Variants in CIBAR1 observed in about 807,000 individuals in gnomAD.
CIBAR1 encodes CBY1 interacting BAR domain containing 1.
CIBAR1 carries 25 observed loss-of-function variants against 44.0 expected under a neutral mutation model. That is an observed-to-expected ratio of 0.57 (90% confidence interval 0.41 to 0.79). The LOEUF is 0.79. Among genes scored for constraint, CIBAR1 ranks in the 30% least tolerant of loss-of-function variants. The pLI is 0.00. For synonymous variants in CIBAR1, 115 were observed against 119.0 expected (o/e 0.97, Z 0.22); for missense variants, 278 against 344.8 (o/e 0.81, Z 1.53).
chr8:93,726,518 G>A lies in CIBAR1; in HGVS notation c.777+5G>A, dbSNP rs750788321. On this transcript the variant is annotated splice_donor_5th_base_variant and intron_variant, in intron 8 of 8. Transcript: ENST00000518322. The stretch of plus-strand genomic sequence containing the variant: ...TGTGTATCTGGAACAGGACAGGTGA[G>A]CAAGAAACCGTACTCTAAAGGAATT... 1.2e-6 allele frequency: 2 copies of A among 1,613,108 alleles called. No homozygotes were observed. Among genetic ancestry groups the A allele is most frequent in the Non-Finnish European group, 1.7e-6 (2 of 1,179,384 alleles).
intron 5 of CIBAR1, 122 bp from the exon 6 acceptor site, chr8:93,709,649 T>A: frequency 1.3e-6 from 1 of 742,544 alleles, no homozygotes; most frequent in Non-Finnish European, 2.4e-6. Flanking sequence ...AATATAATAT[T>A]AACAATTTAC....
At chr8:93,700,895 G>A (rs1810314939) in intron 1 of CIBAR1, 1 of 1,310,636 alleles carries the variant, frequency 7.6e-7, no homozygotes, top group Non-Finnish European at 9.6e-7. Flanking sequence ...CCACGCCACC[G>A]GGTCTCGGGT....
At chr8:93,717,423 C>T (rs1048998285) in intron 6 of CIBAR1, among the ~76,000 whole-genome samples, 3 of 152,182 alleles carry the variant, frequency 2.0e-5, no homozygotes, top group African/African-American at 7.2e-5. Flanking sequence ...GCCTGGTATA[C>T]CTGAGCCCTC....
intron 7 of CIBAR1, chr8:93,724,499 A>AT: frequency 2.9e-6 from 2 of 700,074 alleles, no homozygotes; most frequent in South Asian, 1.4e-5. Context: ...TAATTTTCAT[A>AT]TTTTTTGTAG....
At chr8:93,728,088 T>C in intron 8 of CIBAR1, 117 bp from the exon 9 acceptor site, 3 of 498,184 alleles carry the variant, frequency 6.0e-6, no homozygotes, top group Non-Finnish European at 9.9e-6. Context: ...AATTATGACA[T>C]GGACATTTTT....
At chr8:93,718,641 CATT>C in intron 6 of CIBAR1, 31 bp from the exon 7 acceptor site, 1 of 1,204,168 alleles carries the variant, frequency 8.3e-7, no homozygotes, top group African/African-American at 1.5e-5. Context: ...AAATTTAAAT[CATT>C]GTTTAAATTC....
chr8:93,701,021 G>T, intron 1 of CIBAR1: 1 of 1,429,642 alleles, frequency 7.0e-7, no homozygotes. Flanking sequence ...CACCCGGCCT[G>T]GGCCTTTTCC....
intron 4 of CIBAR1, 42 bp from the exon 5 acceptor site, chr8:93,707,969 A>T: frequency 7.0e-7 from 1 of 1,425,336 alleles, no homozygotes; most frequent in Admixed American, 2.0e-5. Context: ...AAGCTGTTAT[A>T]CTCTCTTTGA....
intron 5 of CIBAR1, 157 bp from the exon 6 acceptor site, chr8:93,709,614 T>C (rs926926863): frequency 1.1e-5 from 7 of 657,562 alleles, no homozygotes; most frequent in African/African-American, 5.5e-5. Flanking sequence ...TGTGCTTACA[T>C]AGATCATTTT....
chr8:93,704,696 A>G (rs779506362), intron 3 of CIBAR1, among the ~76,000 whole-genome samples: 7 of 152,212 alleles, frequency 4.6e-5, no homozygotes, highest in Non-Finnish European at 1.0e-4. Flanking sequence ...TTTGCACTGA[A>G]ATTGTGTCAT....
chr8:93,703,819 C>G, intron 3 of CIBAR1, 131 bp downstream of exon 3: 2 of 665,928 alleles, frequency 3.0e-6, no homozygotes, highest in South Asian at 2.9e-5. Context: ...AATCCCAACA[C>G]TTTGGGAGGT....
intron 5 of CIBAR1, among the ~76,000 whole-genome samples, chr8:93,708,811 G>A (rs1563642160): frequency 6.6e-6 from 1 of 152,072 alleles, no homozygotes; most frequent in Non-Finnish European, 1.5e-5. Context: ...AAGAGTCTTT[G>A]GTTATATACC....
chr8:93,727,565 T>C (rs1212269233), intron 8 of CIBAR1, among the ~76,000 whole-genome samples: 2 of 152,126 alleles, frequency 1.3e-5, no homozygotes, highest in African/African-American at 2.4e-5. Flanking sequence ...GTCCTGTATA[T>C]TGTGACGACA....
At chr8:93,700,959 C>T in intron 1 of CIBAR1, 2 of 1,372,836 alleles carry the variant, frequency 1.5e-6, no homozygotes, top group African/African-American at 1.5e-5. Flanking sequence ...GGCGCCCAGG[C>T]CGCGCTGCGC....
chr8:93,720,552 T>C (rs1340844116), intron 7 of CIBAR1, among the ~76,000 whole-genome samples: 1 of 152,138 alleles, frequency 6.6e-6, no homozygotes, highest in Non-Finnish European at 1.5e-5. Context: ...TAACTTTCAC[T>C]CCTTTTCATG....
intron 3 of CIBAR1, 64 bp from the exon 4 acceptor site, chr8:93,704,820 AAAACAATTCTTAAAAGAATTCTTCC>A: frequency 1.4e-6 from 1 of 731,282 alleles, no homozygotes; most frequent in Middle Eastern, 4.0e-4. Context: ...TTCCATTCTT[AAAACAATTCTTAAAAGAATTCTTCC>A]ATTCTTAAAA....
chr8:93,727,870 A>G (rs887820949), intron 8 of CIBAR1, among the ~76,000 whole-genome samples: 2 of 152,134 alleles, frequency 1.3e-5, no homozygotes, highest in Non-Finnish European at 2.9e-5. Context: ...TTTGCCATCC[A>G]TTTTATGATT....
At chr8:93,700,977 C>T in intron 1 of CIBAR1, 1 of 1,390,592 alleles carries the variant, frequency 7.2e-7, no homozygotes, top group Non-Finnish European at 9.3e-7. Context: ...CGCGGAGCAG[C>T]CGGAGCAGCC....
At chr8:93,726,884 A>G (rs1811535032) in intron 8 of CIBAR1, among the ~76,000 whole-genome samples, 1 of 152,204 alleles carries the variant, frequency 6.6e-6, no homozygotes. Context: ...TTAAATACCA[A>G]ATTATACTAA....
Sources: gnomAD v4.1 joint callset for allele counts (sites outside exome capture counted in the v4.1 genomes callset) on GRCh38, gnomAD v4.1.1 for gene constraint, MANE v1.5 for transcripts, NCBI Gene and HGNC (gene_info 2026-07-23, HGNC 2026-07-21) for gene names.